The following CAMK2B variants were observed in gnomAD, a reference collection of about 807,000 sequenced individuals.
CAMK2B encodes calcium/calmodulin dependent protein kinase II beta, also known as calcium/calmodulin-dependent protein kinase type II subunit beta.
Under a neutral mutation model 93.7 loss-of-function variants are expected in CAMK2B, and 27 were observed. That is an observed-to-expected ratio of 0.29 (90% CI 0.21 to 0.40). CAMK2B has a LOEUF of 0.40. Ranked by LOEUF, CAMK2B falls within the 10% of genes least tolerant of loss-of-function variation. The probability of loss-of-function intolerance (pLI) is 1.00; values close to 1 mark genes in which losing one functional copy is unlikely to be tolerated. For missense variants in CAMK2B, 568 were observed against 895.8 expected, an observed-to-expected ratio of 0.63 and a Z score of 4.67; for synonymous variants, 374 against 358.8, an observed-to-expected ratio of 1.04 and a Z score of -0.48.
In CAMK2B at chr7:44,301,514, C is replaced by T. The variant is rs931571648; in HGVS notation, c.66-17289G>A. On this transcript the variant is annotated intron_variant, in intron 1 of 23. Transcript: ENST00000395749. ...AGAAGAGGCCGGGCACAGTGGCTCA[C>T]GCCTGTAATACCAGCACTTTGGGAG... Among the ~76,000 whole-genome samples, 5 of 152,152 alleles carry T rather than the reference C, an allele frequency of 3.3e-5. No homozygotes were observed. The South Asian group carries it at 6.2e-4, about 19-fold the overall frequency.
chr7:44,318,490 T>A (rs931016853), intron 1 of CAMK2B, among the ~76,000 whole-genome samples: 4 of 152,214 alleles, frequency 2.6e-5, no homozygotes, highest in Non-Finnish European at 5.9e-5. Context: ...CAGGCACTGT[T>A]CTCAGCACTT....
chr7:44,249,408 C>T (rs1478416770), intron 5 of CAMK2B, among the ~76,000 whole-genome samples: 3 of 152,196 alleles, frequency 2.0e-5, no homozygotes, highest in Admixed American at 1.3e-4. Flanking sequence ...GTGGCCCTCC[C>T]AGGGGCCCTC....
At chr7:44,258,351 T>C (rs2096851934) in intron 4 of CAMK2B, among the ~76,000 whole-genome samples, 1 of 152,178 alleles carries the variant, frequency 6.6e-6, no homozygotes, top group Non-Finnish European at 1.5e-5. Flanking sequence ...CACATGCACA[T>C]GTATGCACAT....
chr7:44,222,138 G>A (rs2128868933), intron 20 of CAMK2B, among the ~76,000 whole-genome samples: 2 of 152,276 alleles, frequency 1.3e-5, no homozygotes, highest in Middle Eastern at 6.8e-3. Flanking sequence ...AGTAACAGTG[G>A]TTTCTCAAAG....
At chr7:44,234,326 A>G (rs1454533929) in intron 15 of CAMK2B, 64 bp downstream of exon 15, 3 of 1,402,006 alleles carry the variant, frequency 2.1e-6, no homozygotes, top group Non-Finnish European at 2.8e-6. Context: ...CCCTCTGACC[A>G]GCGGCAATCA....
rs1583977012 is a variant in CAMK2B, at chr7:44,235,267, G to C, written c.1022-591C>G. ...TGGCTCAGGCACCAAGGGCAGCCCT[G>C]CTCGCCCTCATTCCGAGCTGCCCAG... On this transcript the variant is annotated intron_variant, in intron 13 of 23. Transcript: ENST00000395749. 2.0e-5 allele frequency among the ~76,000 whole-genome samples: 3 copies of C among 152,374 alleles called. No homozygotes were observed. The East Asian group carries it at 5.8e-4, about 29-fold the overall frequency.
At chr7:44,237,692 C>A (rs1225621748) in intron 13 of CAMK2B, among the ~76,000 whole-genome samples, 1 of 152,240 alleles carries the variant, frequency 6.6e-6, no homozygotes, top group Non-Finnish European at 1.5e-5. Context: ...CATTCAAGGG[C>A]ACGGGAACTT....
At chr7:44,221,025 T>C (rs1436019654) in intron 20 of CAMK2B, 124 bp from the exon 21 acceptor site, 15 of 763,632 alleles carry the variant, frequency 2.0e-5, no homozygotes, top group Admixed American at 1.5e-4. Context: ...CTGCCGCTAT[T>C]TGCAGAAGAG....
intron 2 of CAMK2B, among the ~76,000 whole-genome samples, chr7:44,275,310 G>C (rs1043221136): frequency 4.6e-5 from 7 of 152,194 alleles, no homozygotes; most frequent in African/African-American, 1.7e-4. Flanking sequence ...GTCTACACAG[G>C]GCCACACCCA....
At chr7:44,284,633 C>T (rs1784583155) in intron 1 of CAMK2B, among the ~76,000 whole-genome samples, 2 of 152,326 alleles carry the variant, frequency 1.3e-5, no homozygotes, top group South Asian at 4.1e-4. Flanking sequence ...CAGGCATCCT[C>T]GGGGGCTCTG....
intron 2 of CAMK2B, among the ~76,000 whole-genome samples, chr7:44,276,259 C>G (rs2097038002): frequency 6.6e-6 from 1 of 152,100 alleles, no homozygotes; most frequent in Non-Finnish European, 1.5e-5. Context: ...GCATGCTCAG[C>G]TGTCCCTGCA....
intron 1 of CAMK2B, among the ~76,000 whole-genome samples, chr7:44,298,709 A>G (rs1249769964): frequency 1.3e-5 from 2 of 152,242 alleles, no homozygotes; most frequent in Non-Finnish European, 2.9e-5. Context: ...TCAAAAAATG[A>G]GCAAAGAACT....
At chr7:44,282,065 T>C (rs1195666563) in intron 2 of CAMK2B, among the ~76,000 whole-genome samples, 2 of 152,156 alleles carry the variant, frequency 1.3e-5, no homozygotes, top group Admixed American at 1.3e-4. Context: ...CATGTGCACG[T>C]AGACACGTGT....
At chr7:44,299,757 A>G (rs1584765055) in intron 1 of CAMK2B, among the ~76,000 whole-genome samples, 1 of 152,282 alleles carries the variant, frequency 6.6e-6, no homozygotes, top group East Asian at 1.9e-4. Flanking sequence ...TGGAGATGAT[A>G]ATAGTATCTC....
chr7:44,221,897 A>G lies in CAMK2B; in HGVS notation c.1598-996T>C, dbSNP rs552541209. ...CCCACACTCTACGGATTCAAATCTT[A>G]ACATTTTCCTATTTGCTTTAGACGC... On this transcript the variant is annotated intron_variant, in intron 20 of 23. Coordinates refer to ENST00000395749, the MANE Select transcript of CAMK2B (RefSeq NM_001220.5). 2.0e-5 allele frequency among the ~76,000 whole-genome samples: 3 copies of G among 152,366 alleles called. No individual in the cohort carries two copies. The South Asian group carries it at 6.2e-4, about 32-fold the overall frequency.
intron 1 of CAMK2B, among the ~76,000 whole-genome samples, chr7:44,288,919 AC>A (rs550732980): frequency 2.6e-4 from 40 of 152,128 alleles, no homozygotes; most frequent in Admixed American, 2.4e-3. Flanking sequence ...GACTGCAGCC[AC>A]CCAGGGCAGT....
rs1347368807 is a variant in CAMK2B at position 44,244,761 on chromosome 7, C to T, written c.415-1234G>A. 7 of 321,470 alleles carry T rather than the reference C, an allele frequency of 2.2e-5. No individual in the cohort carries two copies. The East Asian group carries it at 5.5e-4, about 25-fold the overall frequency. 19.9% of individuals were successfully genotyped at this position (321,470 alleles called of 1,614,324 possible). ...GACTGCCACAGCCCCGAGCTGTGAG[C>T]GCCCCTCAGCAGAAACCCAGAGCTT... On this transcript the variant is annotated intron_variant, in intron 6 of 23. Coordinates refer to ENST00000395749, the MANE Select transcript of CAMK2B (RefSeq NM_001220.5).
At chr7:44,282,666 G>C (rs2097111626) in intron 2 of CAMK2B, among the ~76,000 whole-genome samples, 1 of 152,250 alleles carries the variant, frequency 6.6e-6, no homozygotes, top group Non-Finnish European at 1.5e-5. Context: ...CCAAGAAGGG[G>C]AAACACTGAT....
rs368757751 is a variant in CAMK2B, at chr7:44,220,808, C to G, written c.1673+18G>C. On this transcript the variant is annotated intron_variant, in intron 21 of 23. Coordinates refer to ENST00000395749, the MANE Select transcript of CAMK2B (RefSeq NM_001220.5). The stretch of plus-strand genomic sequence containing the variant: ...CATCCTTGTCCTGCACAGCCCCCCC[C>G]CAGCCCCAGGGACTCACGCGTAGGC... The G allele has an allele frequency of 9.6e-6, 15 of 1,561,534 alleles. No individual in the cohort carries two copies. The highest frequency in any genetic ancestry group is 1.9e-5 in the Admixed American group (1 of 52,562).
Sources: gnomAD v4.1 joint callset for allele counts (sites outside exome capture counted in the v4.1 genomes callset) on GRCh38, gnomAD v4.1.1 for gene constraint, MANE v1.5 for transcripts, NCBI Gene and HGNC (gene_info 2026-07-23, HGNC 2026-07-21) for gene names.